WFDC1: variants seen among roughly 807,000 people sequenced by gnomAD.
WFDC1 encodes WAP four-disulfide core domain 1.
WFDC1 carries 39 observed loss-of-function variants against 32.9 expected under a neutral mutation model. The observed-to-expected ratio is 1.19, with a 90% confidence interval of 0.92 to 1.55. The LOEUF (loss-of-function observed/expected upper bound fraction) is 1.55. Among genes scored for constraint, WFDC1 ranks in the 40% most tolerant of loss-of-function variants. The pLI, the probability that WFDC1 is intolerant of heterozygous loss-of-function variation, is 0.00. For synonymous variants in WFDC1, 184 were observed against 137.4 expected (o/e 1.34, Z -2.37); for missense variants, 386 against 309.5 (o/e 1.25, Z -1.85).
At chr16:84,320,839 C>A (rs1908265755) in intron 4 of WFDC1, among the ~76,000 whole-genome samples, 2 of 150,408 alleles carry the variant, frequency 1.3e-5, no homozygotes, top group Admixed American at 1.3e-4. Flanking sequence ...CGAAAGTATA[C>A]TGGGGAGTGC....
At chr16:84,319,276 G>A (rs113465725) in intron 3 of WFDC1, 155 bp from the exon 4 acceptor site, 3 of 995,176 alleles carry the variant, frequency 3.0e-6, no homozygotes, top group East Asian at 5.2e-5. Context: ...TGAGACCCAG[G>A]GCCTAGCCTG....
At chr16:84,319,668 C>G (rs1373901108) in intron 4 of WFDC1, 97 bp downstream of exon 4, 2 of 1,499,934 alleles carry the variant, frequency 1.3e-6, no homozygotes, top group African/African-American at 2.8e-5. Context: ...CCCCAGGAAG[C>G]AGCCCCAGCA....
At chr16:84,324,387 A>G in intron 4 of WFDC1, 32 bp from the exon 5 acceptor site, 1 of 1,610,236 alleles carries the variant, frequency 6.2e-7, no homozygotes, top group East Asian at 2.2e-5. Context: ...TAAACTCCTA[A>G]AAGAAGTTTT....
rs200813455 is a variant in WFDC1, at chr16:84,318,365, G to T, written c.421+10G>T. On this transcript the variant is annotated intron_variant, in intron 3 of 6. Coordinates refer to ENST00000219454, the MANE Select transcript of WFDC1 (RefSeq NM_021197.4). ...GAGGAGGTGTTACAAGGTACCTGCC[G>T]GGTAAAGCCCAGACCCTACATCCAA... The T allele has an allele frequency of 1.5e-4, 238 of 1,613,572 alleles. 2 individuals are homozygous for T. In the East Asian group the frequency reaches 4.0e-3, roughly 27 times the overall value.
At chr16:84,317,941 C>T (rs1597686806) in intron 2 of WFDC1, 1 of 279,264 alleles carries the variant, frequency 3.6e-6, no homozygotes, top group East Asian at 7.4e-5. Flanking sequence ...CAGAATGGCC[C>T]CCAGCCTGCA....
intron 1 of WFDC1, among the ~76,000 whole-genome samples, chr16:84,308,623 C>G (rs1242271282): frequency 6.6e-6 from 1 of 152,210 alleles, no homozygotes; most frequent in African/African-American, 2.4e-5. Context: ...AGATGCCAGC[C>G]TGAGTGTAGA....
At chr16:84,303,590 G>A (rs1907074632) in intron 1 of WFDC1, among the ~76,000 whole-genome samples, 1 of 152,072 alleles carries the variant, frequency 6.6e-6, no homozygotes, top group African/African-American at 2.4e-5. Flanking sequence ...TGTCTAGATT[G>A]TTTCATGAAG....
intron 1 of WFDC1, among the ~76,000 whole-genome samples, chr16:84,298,915 A>C (rs1055332694): frequency 1.3e-5 from 2 of 152,212 alleles, no homozygotes; most frequent in African/African-American, 4.8e-5. Flanking sequence ...TCCTTCTCCT[A>C]TCTGAGCCTC....
chr16:84,324,533 A>C (rs57330047), intron 5 of WFDC1, 73 bp downstream of exon 5: 362,241 of 1,536,258 alleles, frequency 0.24, 43,826 homozygotes, highest in Non-Finnish European at 0.25. Flanking sequence ...ATGTGAAGAA[A>C]AAAATAAAAG....
At chr16:84,320,138 A>T (rs2151378715) in intron 4 of WFDC1, among the ~76,000 whole-genome samples, 1 of 152,312 alleles carries the variant, frequency 6.6e-6, no homozygotes, top group Middle Eastern at 3.4e-3. Flanking sequence ...CAGTATGGTA[A>T]TCAAATTACA....
intron 1 of WFDC1, among the ~76,000 whole-genome samples, chr16:84,310,492 A>T (rs969304498): frequency 6.6e-6 from 1 of 151,338 alleles, no homozygotes; most frequent in Non-Finnish European, 1.5e-5. Context: ...TTTAAATTGA[A>T]GAAGAATGTG....
chr16:84,309,088 C>A (rs1415446075), intron 1 of WFDC1, among the ~76,000 whole-genome samples: 1 of 152,200 alleles, frequency 6.6e-6, no homozygotes, highest in African/African-American at 2.4e-5. Context: ...AGCTGTGGAG[C>A]CCGCTCTGGT....
chr16:84,318,507 C>T (rs953053414), intron 3 of WFDC1, 152 bp downstream of exon 3: 37 of 716,154 alleles, frequency 5.2e-5, no homozygotes, highest in African/African-American at 3.1e-4. Flanking sequence ...CCCACCCCAG[C>T]GAAGAAGGGC....
At chr16:84,301,296 A>G (rs560650569) in intron 1 of WFDC1, among the ~76,000 whole-genome samples, 1 of 152,308 alleles carries the variant, frequency 6.6e-6, no homozygotes, top group African/African-American at 2.4e-5. Flanking sequence ...TCGGACACGA[A>G]TACAGTCTGC....
At chr16:84,304,514 C>T (rs1907132067) in intron 1 of WFDC1, among the ~76,000 whole-genome samples, 1 of 152,010 alleles carries the variant, frequency 6.6e-6, no homozygotes, top group Admixed American at 6.6e-5. Flanking sequence ...AGGTGTGAGC[C>T]ACCGCGCCCG....
intron 2 of WFDC1, chr16:84,316,268 G>C (rs998375170): frequency 6.6e-6 from 1 of 152,150 alleles, no homozygotes; most frequent in African/African-American, 2.4e-5. Flanking sequence ...TATAATCAGC[G>C]AGTGCTCCTT....
At chr16:84,328,082 G>C (rs1908706231) in intron 6 of WFDC1, 1 of 153,028 alleles carries the variant, frequency 6.5e-6, no homozygotes, top group African/African-American at 2.4e-5. Context: ...TGAAGTCTGA[G>C]CCAAGATCCA....
At chr16:84,316,861 C>G (rs555483818) in intron 2 of WFDC1, 3 of 152,010 alleles carry the variant, frequency 2.0e-5, no homozygotes, top group African/African-American at 4.8e-5. Flanking sequence ...GCCTGTAATC[C>G]CAGCTACTTG....
intron 1 of WFDC1, 179 bp downstream of exon 1, chr16:84,295,294 A>G (rs551489858): frequency 1.3e-5 from 9 of 682,258 alleles, no homozygotes; most frequent in African/African-American, 3.6e-5. Flanking sequence ...CTCACCCCCA[A>G]AAAAGGACCC....
Sources: allele counts gnomAD v4.1 joint callset (sites outside exome capture counted in the v4.1 genomes callset), GRCh38; gene constraint gnomAD v4.1.1; transcripts MANE v1.5; gene names NCBI Gene and HGNC (gene_info 2026-07-23, HGNC 2026-07-21).